The following ADGRV1 variants were observed in gnomAD, a reference collection of about 807,000 sequenced individuals.
ADGRV1 encodes adhesion G protein-coupled receptor V1.
Under a neutral mutation model 596.2 loss-of-function variants are expected in ADGRV1, and 359 were observed. That is an observed-to-expected ratio of 0.60 (90% CI 0.55 to 0.66). The LOEUF (loss-of-function observed/expected upper bound fraction) is 0.66, where lower values mean the gene tolerates loss of function less well. Among genes scored for constraint, ADGRV1 ranks in the 30% least tolerant of loss-of-function variants. ADGRV1 has a pLI of 0.00. For synonymous variants in ADGRV1, 2,681 were observed against 2,679.2 expected (o/e 1.00, Z -0.02); for missense variants, 7,274 against 7,575.6 (o/e 0.96, Z 1.48).
intron 25 of ADGRV1, 105 bp from the exon 26 acceptor site, chr5:90,679,444 T>C: frequency 1.5e-6 from 1 of 667,850 alleles, no homozygotes; most frequent in Admixed American, 2.6e-5. Context: ...ATTGGGTGAA[T>C]ATTACTGCAT....
chr5:91,115,457 C>A (rs1442762270), intron 87 of ADGRV1, among the ~76,000 whole-genome samples: 1 of 152,122 alleles, frequency 6.6e-6, no homozygotes, highest in Non-Finnish European at 1.5e-5. Context: ...GATGAGGAAG[C>A]CTGTGCATGC....
intron 87 of ADGRV1, among the ~76,000 whole-genome samples, chr5:91,126,068 A>AT (rs1793725667): frequency 6.6e-6 from 1 of 152,114 alleles, no homozygotes. Context: ...ATTTTCACTC[A>AT]TTTGGCACCT....
intron 85 of ADGRV1, among the ~76,000 whole-genome samples, chr5:91,054,311 CT>C (rs535394660): frequency 8.4e-4 from 127 of 152,016 alleles, no homozygotes; most frequent in Admixed American, 1.2e-3. Flanking sequence ...AACTTAAAAC[CT>C]TTTTTAGGCA....
chr5:90,750,456 C>G, intron 52 of ADGRV1, 95 bp from the exon 53 acceptor site: 1 of 1,046,102 alleles, frequency 9.6e-7, no homozygotes, highest in Non-Finnish European at 1.4e-6. Context: ...CTTAGGACCA[C>G]AAAGTTTGCA....
chr5:90,824,357 G>T (rs1052827540), intron 76 of ADGRV1, among the ~76,000 whole-genome samples: 1 of 152,150 alleles, frequency 6.6e-6, no homozygotes, highest in Admixed American at 6.6e-5. Context: ...TAGTGTCAAA[G>T]GACTTGATTT....
intron 83 of ADGRV1, among the ~76,000 whole-genome samples, chr5:90,957,600 T>C (rs1225814387): frequency 6.8e-6 from 1 of 148,080 alleles, no homozygotes; most frequent in Non-Finnish European, 1.5e-5. Context: ...ATAACATATA[T>C]GTATATATTT....
At chr5:91,088,176 G>A (rs1285374421) in intron 86 of ADGRV1, among the ~76,000 whole-genome samples, 1 of 152,086 alleles carries the variant, frequency 6.6e-6, no homozygotes, top group Non-Finnish European at 1.5e-5. Flanking sequence ...CAATTTTATA[G>A]AGACTGTAAA....
At chr5:91,047,023 C>A (rs754720643) in intron 85 of ADGRV1, among the ~76,000 whole-genome samples, 1 of 152,030 alleles carries the variant, frequency 6.6e-6, no homozygotes, top group Non-Finnish European at 1.5e-5. Context: ...ATAATAGATA[C>A]CGGCGTGGAT....
chr5:90,877,631 A>C (rs1366835949), intron 83 of ADGRV1, among the ~76,000 whole-genome samples: 3 of 151,670 alleles, frequency 2.0e-5, no homozygotes, highest in Non-Finnish European at 4.4e-5. Context: ...TCATATTTTA[A>C]AGAATAATTC....
chr5:91,055,211 C>T (rs1434952173), intron 85 of ADGRV1, among the ~76,000 whole-genome samples: 1 of 151,846 alleles, frequency 6.6e-6, no homozygotes, highest in African/African-American at 2.4e-5. Flanking sequence ...GTGATGACAA[C>T]TTTGTGGATT....
At chr5:90,722,404 T>C (rs1055888317) in intron 45 of ADGRV1, among the ~76,000 whole-genome samples, 2 of 152,002 alleles carry the variant, frequency 1.3e-5, no homozygotes, top group Admixed American at 6.6e-5. Context: ...TAAATTTCTC[T>C]AGACTCAAAA....
intron 50 of ADGRV1, among the ~76,000 whole-genome samples, chr5:90,744,131 G>C (rs1415280839): frequency 6.6e-6 from 1 of 152,096 alleles, no homozygotes; most frequent in Non-Finnish European, 1.5e-5. Flanking sequence ...TGGGACCGCA[G>C]GTGCTTGCCA....
chr5:91,064,357 T>C (rs1230032479), intron 85 of ADGRV1, among the ~76,000 whole-genome samples: 1 of 152,228 alleles, frequency 6.6e-6, no homozygotes, highest in Non-Finnish European at 1.5e-5. Flanking sequence ...TTTGACGTTT[T>C]ATAATTTAGG....
At chr5:90,757,952 G>A (rs1407501834) in intron 57 of ADGRV1, among the ~76,000 whole-genome samples, 2 of 151,984 alleles carry the variant, frequency 1.3e-5, no homozygotes, top group Admixed American at 1.3e-4. Context: ...GCTGTTAAAA[G>A]GTAAGCATAC....
At chr5:90,895,846 A>G (rs1248385356) in intron 83 of ADGRV1, among the ~76,000 whole-genome samples, 1 of 152,198 alleles carries the variant, frequency 6.6e-6, no homozygotes, top group Non-Finnish European at 1.5e-5. Flanking sequence ...TAGCTTGACT[A>G]TACATCCAAA....
chr5:91,034,249 T>A (rs2151240591), intron 85 of ADGRV1, among the ~76,000 whole-genome samples: 1 of 152,256 alleles, frequency 6.6e-6, no homozygotes, highest in East Asian at 1.9e-4. Context: ...TTAGTCTAAC[T>A]ACAAATGCAT....
intron 57 of ADGRV1, among the ~76,000 whole-genome samples, chr5:90,759,084 G>A (rs773125637): frequency 6.6e-6 from 1 of 152,104 alleles, no homozygotes; most frequent in African/African-American, 2.4e-5. Context: ...TTTTTAATCT[G>A]TAAATAATAC....
intron 1 of ADGRV1, among the ~76,000 whole-genome samples, chr5:90,580,659 C>T (rs755107572): frequency 9.9e-5 from 15 of 152,118 alleles, no homozygotes; most frequent in Admixed American, 3.3e-4. Flanking sequence ...GCTGTTAGTC[C>T]GATGGACTTC....
chr5:90,618,191 G>A (rs1369167208), intron 3 of ADGRV1, among the ~76,000 whole-genome samples: 2 of 152,142 alleles, frequency 1.3e-5, no homozygotes, highest in Non-Finnish European at 2.9e-5. Context: ...CTCGGGAATT[G>A]CCATGACAGT....
Sources: gnomAD v4.1 joint callset for allele counts (sites outside exome capture counted in the v4.1 genomes callset) on GRCh38, gnomAD v4.1.1 for gene constraint, MANE v1.5 for transcripts, NCBI Gene and HGNC (gene_info 2026-07-23, HGNC 2026-07-21) for gene names.